The following TSPAN7 variants were observed in gnomAD, a reference collection of about 807,000 sequenced individuals.
TSPAN7 encodes the protein tetraspanin-7.
In TSPAN7, 1 loss-of-function variant was observed where a neutral mutation model predicts 17.6. That is an observed-to-expected ratio of 0.06 (90% CI 0.02 to 0.27). The LOEUF is 0.27. Among genes scored for constraint, TSPAN7 ranks in the 10% least tolerant of loss-of-function variants. TSPAN7 has a pLI of 1.00. For missense variants in TSPAN7, 112 were observed against 201.7 expected, an observed-to-expected ratio of 0.56 and a Z score of 2.69; for synonymous variants, 78 against 79.0, an observed-to-expected ratio of 0.99 and a Z score of 0.07.
intron 1 of TSPAN7, among the ~76,000 whole-genome samples, chrX:38,622,363 T>C (rs765851583): frequency 9.0e-6 from 1 of 111,654 alleles, no homozygotes; most frequent in African/African-American, 3.3e-5. Flanking sequence ...CTGGGCAACA[T>C]AGTGAGACCC....
chrX:38,584,750 A>T (rs746586783), intron 1 of TSPAN7, among the ~76,000 whole-genome samples: 105 of 111,893 alleles, frequency 9.4e-4, no homozygotes, highest in Non-Finnish European at 1.6e-3. Context: ...GAAAGAGAAC[A>T]TTGTCAGTAC....
chrX:38,566,634 T>A (rs2069144948), intron 1 of TSPAN7, among the ~76,000 whole-genome samples: 1 of 112,079 alleles, frequency 8.9e-6, no homozygotes, highest in Non-Finnish European at 1.9e-5. Context: ...CTTATCCTAA[T>A]GATAGTTCAA....
chrX:38,574,434 G>A (rs1279835182), intron 1 of TSPAN7, among the ~76,000 whole-genome samples: 1 of 111,684 alleles, frequency 9.0e-6, no homozygotes, highest in Non-Finnish European at 1.9e-5. Flanking sequence ...TTTAGCATAA[G>A]CCTTAGGAAA....
At chrX:38,623,463 T>G (rs1055995676) in intron 1 of TSPAN7, among the ~76,000 whole-genome samples, 2 of 109,462 alleles carry the variant, frequency 1.8e-5, no homozygotes, top group African/African-American at 6.7e-5. Flanking sequence ...TGGTTGCTCT[T>G]TCTCAGCGTC....
intron 1 of TSPAN7, among the ~76,000 whole-genome samples, chrX:38,605,783 C>T (rs1261352932): frequency 9.0e-6 from 1 of 110,804 alleles, no homozygotes; most frequent in Non-Finnish European, 1.9e-5. Context: ...TGATCTTTGA[C>T]AAACCTGACA....
At chrX:38,580,886 G>A (rs182768401) in intron 1 of TSPAN7, among the ~76,000 whole-genome samples, 1 of 111,380 alleles carries the variant, frequency 9.0e-6, no homozygotes, top group Admixed American at 9.5e-5. Context: ...TGAAGAGATG[G>A]GTTAGAGGGT....
chrX:38,571,913 A>G (rs913715144), intron 1 of TSPAN7, among the ~76,000 whole-genome samples: 1 of 111,548 alleles, frequency 9.0e-6, no homozygotes, highest in African/African-American at 3.3e-5. Flanking sequence ...GATGTAGTCA[A>G]TGTAGCATTT....
chrX:38,624,970 A>AT (rs1322188575), intron 1 of TSPAN7, among the ~76,000 whole-genome samples: 2 of 112,245 alleles, frequency 1.8e-5, no homozygotes, highest in Non-Finnish European at 3.8e-5. Context: ...GTCTGTCCTA[A>AT]TTTTTTGTTT....
intron 1 of TSPAN7, among the ~76,000 whole-genome samples, chrX:38,616,608 A>G (rs965140211): frequency 1.3e-4 from 15 of 112,324 alleles, no homozygotes; most frequent in African/African-American, 4.9e-4. Context: ...CTAAAAGCCT[A>G]AAAACAAAAC....
At chrX:38,646,135 T>C in intron 1 of TSPAN7, 1 of 532,903 alleles carries the variant, frequency 1.9e-6, no homozygotes, top group Middle Eastern at 6.3e-4. Flanking sequence ...TAATAGTTGG[T>C]GTACTTTCTA....
intron 6 of TSPAN7, among the ~76,000 whole-genome samples, chrX:38,686,120 CA>C (rs1420862541): frequency 8.9e-6 from 1 of 112,512 alleles, no homozygotes; most frequent in African/African-American, 3.2e-5. Flanking sequence ...AGCCACTTGG[CA>C]GTAAGTGCAT....
intron 6 of TSPAN7, among the ~76,000 whole-genome samples, chrX:38,683,052 A>G (rs988029709): frequency 8.1e-5 from 9 of 111,688 alleles, no homozygotes; most frequent in Non-Finnish European, 1.3e-4. Flanking sequence ...CCTAATAGCT[A>G]TCCTAGAACC....
At chrX:38,582,987 C>G (rs751767697) in intron 1 of TSPAN7, among the ~76,000 whole-genome samples, 1 of 111,904 alleles carries the variant, frequency 8.9e-6, no homozygotes, top group South Asian at 3.8e-4. Flanking sequence ...TTTTTTCATT[C>G]ACTTGGACCT....
intron 1 of TSPAN7, among the ~76,000 whole-genome samples, chrX:38,632,405 T>C (rs1431524211): frequency 2.7e-5 from 3 of 112,307 alleles, no homozygotes; most frequent in Admixed American, 9.4e-5. Flanking sequence ...TTCTAAAAAA[T>C]TGAATCACTA....
intron 5 of TSPAN7, among the ~76,000 whole-genome samples, chrX:38,677,197 G>A (rs754664641): frequency 1.3e-4 from 15 of 111,822 alleles, no homozygotes; most frequent in Non-Finnish European, 2.6e-4. Context: ...ATGTGATCTC[G>A]GTCAAGTTAC....
intron 1 of TSPAN7, among the ~76,000 whole-genome samples, chrX:38,620,006 T>C (rs1468052547): frequency 8.9e-6 from 1 of 112,109 alleles, no homozygotes; most frequent in African/African-American, 3.2e-5. Flanking sequence ...GATGTGGTTA[T>C]TGTTATTTAG....
chrX:38,674,467 T>C, intron 4 of TSPAN7, 151 bp downstream of exon 4: 1 of 532,703 alleles, frequency 1.9e-6, no homozygotes, highest in Admixed American at 2.7e-5. Context: ...ACCCAGTCCT[T>C]GTCCAGGCTC....
chrX:38,563,236 AT>A (rs1249300269), intron 1 of TSPAN7: 20 of 660,027 alleles, frequency 3.0e-5, no homozygotes, highest in Non-Finnish European at 3.6e-5. Context: ...AACGGACTTT[AT>A]TTGGACTGAC....
chrX:38,620,526 T>C (rs991293900), intron 1 of TSPAN7, among the ~76,000 whole-genome samples: 2 of 111,542 alleles, frequency 1.8e-5, no homozygotes, highest in African/African-American at 6.5e-5. Context: ...AGAGGACTTG[T>C]TACTGCAGAC....
Sources: allele counts gnomAD v4.1 joint callset (sites outside exome capture counted in the v4.1 genomes callset), GRCh38; gene constraint gnomAD v4.1.1; transcripts MANE v1.5; gene names NCBI Gene and HGNC (gene_info 2026-07-23, HGNC 2026-07-21).